PI4KB: variants seen among roughly 807,000 people sequenced by gnomAD.
PI4KB encodes PtdIns 4-kinase beta.
A neutral mutation model predicts 81.4 loss-of-function variants in PI4KB; 23 were observed. The ratio of observed to expected loss-of-function variants is 0.28; its 90% CI spans 0.20 to 0.40. PI4KB has a LOEUF of 0.40. Among genes scored for constraint, PI4KB ranks in the 10% least tolerant of loss-of-function variants. The probability of loss-of-function intolerance (pLI) is 1.00; values close to 1 mark genes in which losing one functional copy is unlikely to be tolerated. For synonymous variants in PI4KB, 381 were observed against 406.8 expected (o/e 0.94, Z 0.76); for missense variants, 651 against 1,036.6 (o/e 0.63, Z 5.11).
At chr1:151,327,215 G>GGGGGGC in intron 1 of PI4KB, 56 bp downstream of exon 1, 1 of 49,688 alleles carries the variant, frequency 2.0e-5, no homozygotes, top group Non-Finnish European at 4.5e-5. Flanking sequence ...GTGGGAGAGG[G>GGGGGGC]ACCCCCCCCC....
At chr1:151,304,295 C>T (rs947682884) in intron 5 of PI4KB, among the ~76,000 whole-genome samples, 1 of 151,108 alleles carries the variant, frequency 6.6e-6, no homozygotes, top group African/African-American at 2.4e-5. Context: ...GGACTATAAG[C>T]TCAAAGACAG....
At chr1:151,305,282 C>A (rs1461974075) in intron 5 of PI4KB, among the ~76,000 whole-genome samples, 2 of 152,154 alleles carry the variant, frequency 1.3e-5, no homozygotes, top group Admixed American at 6.5e-5. Flanking sequence ...GTTAATAGCT[C>A]TACACAAAAT....
In PI4KB at chr1:151,327,394, G is replaced by A. The variant is rs1571242856; in HGVS notation, c.-152C>T. The A allele has an allele frequency of 5.0e-6, 2 of 397,888 alleles. No homozygotes were observed. The highest frequency in any genetic ancestry group is 2.1e-5 in the African/African-American group (1 of 48,606). 24.6% of individuals were successfully genotyped at this position (397,888 alleles called of 1,614,324 possible). ...CCTGCGCTTCCCTGACAGCGGCCGC[G>A]GAGGCTGCACCAGGCCCCGGCTGCG... On this transcript the variant is annotated 5_prime_UTR_variant, in exon 1 of 12. Transcript: ENST00000368873.
At chr1:151,296,446 A>G (rs1694799430) in intron 9 of PI4KB, among the ~76,000 whole-genome samples, 1 of 151,676 alleles carries the variant, frequency 6.6e-6, no homozygotes, top group Non-Finnish European at 1.5e-5. Flanking sequence ...ATGTCAGGCC[A>G]TGGCAGAACT....
At chr1:151,311,656 T>A (rs1324999843) in intron 2 of PI4KB, among the ~76,000 whole-genome samples, 1 of 152,206 alleles carries the variant, frequency 6.6e-6, no homozygotes, top group Non-Finnish European at 1.5e-5. Flanking sequence ...TGAGCAACGC[T>A]CCAGCTGATT....
In PI4KB at chr1:151,300,449, A is replaced by T. The variant is rs587758343; in HGVS notation, c.1750-1376T>A. Among the ~76,000 whole-genome samples, 159 of 152,270 alleles carry T rather than the reference A, an allele frequency of 1.0e-3. 1 individual carries two copies. The highest frequency in any genetic ancestry group is 3.7e-3 in the African/African-American group (154 of 41,558). Reference sequence around the variant, plus strand: ...TGGAGAAACCCTATCTCTACTAAAAATACAAAATTAGCCGGGCGTGGTGGC... The same window carrying T: ...TGGAGAAACCCTATCTCTACTAAAATTACAAAATTAGCCGGGCGTGGTGGC... On this transcript the variant is annotated intron_variant, in intron 8 of 11. Coordinates refer to ENST00000368873, the MANE Select transcript of PI4KB (RefSeq NM_001369623.2).
At chr1:151,322,923 C>A (rs1237674908) in intron 1 of PI4KB, among the ~76,000 whole-genome samples, 2 of 152,048 alleles carry the variant, frequency 1.3e-5, no homozygotes, top group African/African-American at 4.8e-5. Context: ...CATGAGCCAC[C>A]ACAACTAGTC....
At chr1:151,327,086 A>T (rs1471324931) in intron 1 of PI4KB, among the ~76,000 whole-genome samples, 185 bp downstream of exon 1, 1 of 152,176 alleles carries the variant, frequency 6.6e-6, no homozygotes, top group African/African-American at 2.4e-5. Flanking sequence ...AGGAAGCCAA[A>T]AAGCGGAGGA....
At chr1:151,317,827 A>T (rs1195325749) in intron 1 of PI4KB, among the ~76,000 whole-genome samples, 3 of 148,396 alleles carry the variant, frequency 2.0e-5, no homozygotes, top group Admixed American at 1.3e-4. Context: ...TTTATTTTTT[A>T]GAGACAAGTC....
upstream of PI4KB, chr1:151,327,567 T>G: frequency 5.1e-6 from 2 of 391,598 alleles, no homozygotes; most frequent in Non-Finnish European, 9.0e-6. Flanking sequence ...GATGTAGTAT[T>G]CTTCTCCGGA....
chr1:151,293,286 C>T, intron 11 of PI4KB: 1 of 1,390,974 alleles, frequency 7.2e-7, no homozygotes, highest in Non-Finnish European at 9.4e-7. Context: ...ACATCTCCCT[C>T]AGTAAGGGTG....
chr1:151,315,581 C>T lies in PI4KB; in HGVS notation c.901G>A (p.Glu301Lys), dbSNP rs200734438. 3 of 1,613,356 alleles carry T rather than the reference C, an allele frequency of 1.9e-6. No homozygotes were observed. In the East Asian group the frequency reaches 6.7e-5, roughly 36 times the overall value. ...RTASNPKVEN[E>K]DEELSSSTES... is the part of the protein sequence containing the mutation. ...CCTCCCCAGAATTTTACCTCATCCTCATTCTCCACTTTAGGGTTGCTGGCT... is the reference window on the plus strand; with the variant it reads ...CCTCCCCAGAATTTTACCTCATCCTTATTCTCCACTTTAGGGTTGCTGGCT... Residue 301 changes from glutamate to lysine, a missense_variant, in exon 2 of 12, where the codon GAG becomes AAG. By Grantham distance (56) the Glu-to-Lys change is moderately conservative. This residue lies in a region of PI4KB where 314 missense variants were observed against 397.8 expected (regional missense o/e 0.79). Transcript: ENST00000368873.
At chr1:151,326,215 G>A (rs1278473265) in intron 1 of PI4KB, 2 of 1,603,940 alleles carry the variant, frequency 1.2e-6, no homozygotes, top group Admixed American at 3.4e-5. Flanking sequence ...CCCTCTTAGT[G>A]GCTGCTCCGG....
chr1:151,297,157 T>C (rs1694870420), intron 9 of PI4KB, among the ~76,000 whole-genome samples: 3 of 152,092 alleles, frequency 2.0e-5, no homozygotes, highest in Admixed American at 2.0e-4. Context: ...AGGGTCTCAC[T>C]CTGTTGCCCT....
At position 151,310,343 on chromosome 1, in the gene PI4KB, G is replaced by A. The variant is rs1696120922; in HGVS notation, c.910-88C>T. 3 of 821,364 alleles carry A rather than the reference G, an allele frequency of 3.7e-6. No homozygotes were observed. The South Asian group carries it at 4.5e-5, about 12-fold the overall frequency. The allele number at this position is 821,364 out of a possible 1,614,324, so 50.9% of individuals were successfully genotyped here. Reference sequence around the variant, plus strand: ...AGGTAAAGAATTTAGCTCCAACTTGGATCGTAACTGCTTCTCTAGTGAAGT... The same window carrying A: ...AGGTAAAGAATTTAGCTCCAACTTGAATCGTAACTGCTTCTCTAGTGAAGT... On this transcript the variant is annotated intron_variant, in intron 2 of 11. Transcript: ENST00000368873.
intron 1 of PI4KB, 55 bp downstream of exon 1, chr1:151,327,216 A>AGGGGGCCCCCCCCCCCCCCC: frequency 9.7e-6 from 1 of 102,622 alleles, no homozygotes; most frequent in Non-Finnish European, 1.8e-5. Flanking sequence ...TGGGAGAGGG[A>AGGGGGCCCCCCCCCCCCCCC]CCCCCCCCCC....
rs1305583915 is a variant in PI4KB at position 151,302,195 on chromosome 1, G to A, written c.1624C>T (p.Arg542Trp). 5 of 1,610,008 alleles carry A rather than the reference G, an allele frequency of 3.1e-6. No individual in the cohort carries two copies. The highest frequency in any genetic ancestry group is 2.2e-5 in the East Asian group (1 of 44,878). Residue 542 changes from arginine to tryptophan, a missense_variant and splice_region_variant, in exon 7 of 12, where the codon CGG (arginine) becomes TGG (tryptophan). Arg to Trp is a moderately radical substitution (Grantham distance 101, BLOSUM62 -3). Transcript: ENST00000368873. ...TTCAGAGACCCACACCCAACTCACC[G>A]TACTTTCTCCTGCCAGGGCTCTTTG... is the stretch of plus-strand genomic sequence containing the variant. ...ALKEPWQEKV[R>W]RIREGSPYGH...
chr1:151,293,043 G>A lies in PI4KB; in HGVS notation c.2270-10C>T, dbSNP rs955326716. ...CAAGGAAGCTGAGAACCTGGGGGAA[G>A]CAGTCGGAGTTCAGGGTCATGGATG... On this transcript the variant is annotated splice_polypyrimidine_tract_variant and intron_variant, in intron 11 of 11. Coordinates refer to ENST00000368873, the MANE Select transcript of PI4KB (RefSeq NM_001369623.2). 1 of 1,613,478 alleles carries A rather than the reference G, an allele frequency of 6.2e-7. No homozygotes were observed. Among genetic ancestry groups the A allele is most frequent in the Non-Finnish European group, 8.5e-7 (1 of 1,179,628 alleles).
At chr1:151,321,526 A>G (rs956031758) in intron 1 of PI4KB, among the ~76,000 whole-genome samples, 1 of 151,864 alleles carries the variant, frequency 6.6e-6, no homozygotes, top group African/African-American at 2.4e-5. Context: ...CTGGGATTAC[A>G]GACACCCGCC....
Sources: allele counts gnomAD v4.1 joint callset (sites outside exome capture counted in the v4.1 genomes callset), GRCh38; gene constraint gnomAD v4.1.1; regional missense constraint gnomAD v4.1.1; transcripts MANE v1.5; gene names NCBI Gene and HGNC (gene_info 2026-07-23, HGNC 2026-07-21).